The following MOBP variants were observed in gnomAD, a reference collection of about 807,000 sequenced individuals.
The protein encoded by MOBP is myelin-associated oligodendrocyte basic protein.
In MOBP, 5 loss-of-function variants were observed where a neutral mutation model predicts 15.0. The ratio of observed to expected loss-of-function variants is 0.33; its 90% CI spans 0.17 to 0.70. The LOEUF (loss-of-function observed/expected upper bound fraction) is 0.70, where lower values mean the gene tolerates loss of function less well. MOBP is among the 30% of genes least tolerant of loss of function. MOBP has a pLI of 0.67. For missense variants in MOBP, 188 were observed against 257.8 expected, an observed-to-expected ratio of 0.73 and a Z score of 1.85; for synonymous variants, 88 against 99.0, an observed-to-expected ratio of 0.89 and a Z score of 0.66.
At chr3:39,527,293 A>G (rs602527), downstream of MOBP, 46,446 of 152,088 alleles carry the variant, frequency 0.31, 9,257 homozygotes, top group African/African-American at 0.57. Context: ...CAAAGGCACT[A>G]GTAAGAGAAA....
At chr3:39,478,305 G>A (rs150310235) in intron 1 of MOBP, among the ~76,000 whole-genome samples, 23 of 152,250 alleles carry the variant, frequency 1.5e-4, no homozygotes, top group African/African-American at 4.3e-4. Flanking sequence ...TGTTACAGTT[G>A]CCTACAGTAT....
chr3:39,487,964 T>C, intron 2 of MOBP, among the ~76,000 whole-genome samples: 1 of 152,212 alleles, frequency 6.6e-6, no homozygotes, highest in East Asian at 1.9e-4. Context: ...ACATCTTTTA[T>C]GATAAAGTTT....
At chr3:39,488,785 G>A (rs1005487508) in intron 2 of MOBP, among the ~76,000 whole-genome samples, 3 of 152,100 alleles carry the variant, frequency 2.0e-5, no homozygotes, top group Non-Finnish European at 4.4e-5. Context: ...TTGTCCTCAT[G>A]TGCTATTAAT....
intron 1 of MOBP, among the ~76,000 whole-genome samples, chr3:39,470,335 C>G (rs1376041386): frequency 1.3e-5 from 2 of 152,162 alleles, no homozygotes; most frequent in African/African-American, 4.8e-5. Context: ...GGACAGGAAT[C>G]AAAACTCTGA....
At chr3:39,473,208 G>A (rs1331671771) in intron 1 of MOBP, among the ~76,000 whole-genome samples, 1 of 152,166 alleles carries the variant, frequency 6.6e-6, no homozygotes, top group Non-Finnish European at 1.5e-5. Flanking sequence ...AGGAATCTTC[G>A]TTTTAAAAGG....
intron 4 of MOBP, among the ~76,000 whole-genome samples, chr3:39,509,625 G>A (rs941960369): frequency 2.6e-5 from 4 of 152,120 alleles, no homozygotes; most frequent in Non-Finnish European, 1.5e-5. Flanking sequence ...TAAACAATAT[G>A]TTTTGCAAGC....
exon 5 of MOBP, chr3:39,513,447 A>T: frequency 1.9e-6 from 3 of 1,612,472 alleles, no homozygotes; most frequent in Non-Finnish European, 2.5e-6. Flanking sequence ...AAACTGAATG[A>T]ACAACCTCGG....
chr3:39,524,971 A>T (rs1306158531), downstream of MOBP: 3 of 152,222 alleles, frequency 2.0e-5, no homozygotes, highest in Non-Finnish European at 4.4e-5. Flanking sequence ...ATAATATACT[A>T]TGCATAAATT....
chr3:39,483,423 T>G (rs1366826100), intron 2 of MOBP, among the ~76,000 whole-genome samples: 1 of 152,216 alleles, frequency 6.6e-6, no homozygotes, highest in Non-Finnish European at 1.5e-5. Flanking sequence ...TATTTCAGCT[T>G]GTGTCTCCAG....
intron 2 of MOBP, among the ~76,000 whole-genome samples, chr3:39,496,906 G>A (rs1017053994): frequency 6.6e-6 from 1 of 151,730 alleles, no homozygotes; most frequent in East Asian, 2.0e-4. Flanking sequence ...TGGGTGATTC[G>A]CCTGCCTCAG....
At chr3:39,492,005 T>A (rs899134702) in intron 2 of MOBP, among the ~76,000 whole-genome samples, 1 of 152,192 alleles carries the variant, frequency 6.6e-6, no homozygotes, top group African/African-American at 2.4e-5. Context: ...CTCAGCCTCA[T>A]CCAGCATGAC....
intron 2 of MOBP, chr3:39,499,924 G>A (rs944892536): frequency 2.8e-5 from 12 of 426,602 alleles, no homozygotes; most frequent in South Asian, 1.6e-4. Flanking sequence ...TGCCCATGAA[G>A]TTTCACCTTG....
chr3:39,472,935 G>A (rs1029335342), intron 1 of MOBP, among the ~76,000 whole-genome samples: 1 of 150,968 alleles, frequency 6.6e-6, no homozygotes, highest in Non-Finnish European at 1.5e-5. Flanking sequence ...TGGGACTCTT[G>A]TCTCAAAAAG....
intron 1 of MOBP, among the ~76,000 whole-genome samples, chr3:39,470,828 A>G (rs1257553340): frequency 6.6e-6 from 1 of 152,202 alleles, no homozygotes; most frequent in Non-Finnish European, 1.5e-5. Flanking sequence ...TTATATTACT[A>G]CCAGTATGAT....
chr3:39,528,273 C>T (rs1239378747), downstream of MOBP: 5 of 152,122 alleles, frequency 3.3e-5, no homozygotes, highest in African/African-American at 1.2e-4. Context: ...CTGACAAATT[C>T]TAGTTGGAAT....
downstream of MOBP, among the ~76,000 whole-genome samples, chr3:39,516,996 G>A (rs2043212532): frequency 6.6e-6 from 1 of 152,150 alleles, no homozygotes; most frequent in Non-Finnish European, 1.5e-5. Context: ...GGCCCTGGGA[G>A]GGCTTCCTGC....
At position 39,468,800 on chromosome 3, in the gene MOBP, A is replaced by AT. The variant is rs542123254; in HGVS notation, c.-89+1061dup. Reference sequence around the variant, plus strand: ...TACATATATACATGTGTGTGTATATATACATATGTGTGTGTATACATATTA... The same window carrying AT: ...TACATATATACATGTGTGTGTATATATTACATATGTGTGTGTATACATATTA... On this transcript the variant is annotated intron_variant, in intron 1 of 3. Transcript: ENST00000684792. Among the ~76,000 whole-genome samples, 79 of 122,642 alleles carry AT rather than the reference A, an allele frequency of 6.4e-4. 12 individuals are homozygous for AT. In the East Asian group the frequency reaches 0.015, roughly 23 times the overall value. 80.5% of individuals were successfully genotyped at this position (122,642 alleles called of 152,430 possible).
intron 4 of MOBP, among the ~76,000 whole-genome samples, chr3:39,511,729 T>A (rs971144007): frequency 6.6e-6 from 1 of 152,174 alleles, no homozygotes; most frequent in African/African-American, 2.4e-5. Context: ...GGTCAGAGAA[T>A]CTTACACTCA....
chr3:39,472,364 C>T (rs535660276), intron 1 of MOBP, among the ~76,000 whole-genome samples: 1 of 151,916 alleles, frequency 6.6e-6, no homozygotes, highest in South Asian at 2.1e-4. Flanking sequence ...AGTACTGTTC[C>T]CTGGATGACA....
Sources: gnomAD v4.1 joint callset for allele counts (sites outside exome capture counted in the v4.1 genomes callset) on GRCh38, gnomAD v4.1.1 for gene constraint, MANE v1.5 for transcripts, NCBI Gene and HGNC (gene_info 2026-07-23, HGNC 2026-07-21) for gene names.